The following MAGEB17 variants were observed in gnomAD, a reference collection of about 807,000 sequenced individuals.
MAGEB17 encodes MAGE family member B17.
For missense variants in MAGEB17, 251 were observed against 281.4 expected (o/e 0.89, Z 0.77); for synonymous variants, 110 against 112.4 (o/e 0.98, Z 0.13).
chrX:16,170,723 G>A lies in MAGEB17; in HGVS notation c.341G>A (p.Gly114Asp). Residue 114 changes from glycine (G) to aspartate (D), a missense_variant, in exon 2 of 2, where the codon GGC becomes GAC. By Grantham distance (94) the Gly-to-Asp change is moderately conservative. Coordinates refer to ENST00000400004, the MANE Select transcript of MAGEB17 (RefSeq NM_001277307.2). ...AGAGATCTTCTGAACACGAAGACGG[G>A]CGAATTGGTGCAGTTCCTCCTCAAC... ...TGRDLLNTKT[G>D]ELVQFLLNKY... 8.6e-7 allele frequency: 1 copy of A among 1,167,255 alleles called. No homozygotes were observed. Among genetic ancestry groups the A allele is most frequent in the South Asian group, 1.9e-5 (1 of 52,717 alleles).
intron 1 of MAGEB17, among the ~76,000 whole-genome samples, chrX:16,169,562 A>G (rs3903014): frequency 0.27 from 29,497 of 110,887 alleles, 3,542 homozygotes; most frequent in Non-Finnish European, 0.36. Flanking sequence ...AGTGTTTTCC[A>G]GGTAATGATG....
Position 16,170,907 on chromosome X carries a change from C to T in MAGEB17, c.525C>T (p.Ser175=). 1 of 1,167,419 alleles carries T rather than the reference C, an allele frequency of 8.6e-7. No individual in the cohort carries two copies. The highest frequency in any genetic ancestry group is 1.9e-5 in the South Asian group (1 of 52,766). ...YLKEMDPSRQ[S]YVLVGKLDFP... is the part of the protein sequence containing the mutation. The stretch of plus-strand genomic sequence containing the variant: ...AGGAAATGGACCCCAGCCGTCAGTC[C>T]TATGTGCTTGTTGGCAAGCTGGACT... The change falls in exon 2 of 2, where the codon TCC becomes TCT. Residue 175 remains serine, a synonymous_variant. Transcript: ENST00000400004.
chrX:16,169,147 T>C (rs1201444695), intron 1 of MAGEB17, among the ~76,000 whole-genome samples: 1 of 109,729 alleles, frequency 9.1e-6, no homozygotes, highest in Non-Finnish European at 1.9e-5. Context: ...CTGGTGGGAG[T>C]CAAGGGGAGA....
At position 16,170,926 on chromosome X, in the gene MAGEB17, C is replaced by T. The variant is rs1434287169; in HGVS notation, c.544C>T (p.Leu182=). 8.6e-7 allele frequency: 1 copy of T among 1,166,167 alleles called. No homozygotes were observed. The highest frequency in any genetic ancestry group is 3.3e-5 in the East Asian group (1 of 30,717). The change falls in exon 2 of 2, where the codon CTG becomes TTG. Residue 182 remains leucine, a synonymous_variant. Coordinates refer to ENST00000400004, the MANE Select transcript of MAGEB17 (RefSeq NM_001277307.2). Reference sequence around the variant, plus strand: ...TCAGTCCTATGTGCTTGTTGGCAAGCTGGACTTTCCCAATCAAGGAAGCTT... The same window carrying T: ...TCAGTCCTATGTGCTTGTTGGCAAGTTGGACTTTCCCAATCAAGGAAGCTT... ...SRQSYVLVGK[L]DFPNQGSLSD... is the part of the protein sequence containing the mutation.
rs181296803 is a variant in MAGEB17, at chrX:16,170,457, C to T, written c.75C>T (p.Leu25=). Residue 25 remains leucine, a synonymous_variant, in exon 2 of 2, where the codon CTC becomes CTT. Transcript: ENST00000400004. ...AGGCTCGAGGTGAAGACCAATGTCT[C>T]GGGGGTGCTCAAGCCACCGCAGCAG... ...RRQARGEDQC[L]GGAQATAAEK... The T allele has an allele frequency of 9.2e-5, 107 of 1,165,669 alleles. No individual in the cohort carries two copies. The African/African-American group carries it at 9.9e-4, about 11-fold the overall frequency.
In MAGEB17 at chrX:16,171,069, G is replaced by A. The variant is rs768531852; in HGVS notation, c.687G>A (p.Gly229=). ...EEMWECLNAL[G]MYKGRKHFIY... Reference sequence around the variant, plus strand: ...TGTGGGAATGCCTGAATGCATTGGGGATGTATAAGGGTAGGAAGCACTTCA... The same window carrying A: ...TGTGGGAATGCCTGAATGCATTGGGAATGTATAAGGGTAGGAAGCACTTCA... The change falls in exon 2 of 2, where the codon GGG becomes GGA. Residue 229 remains glycine (G), a synonymous_variant. Coordinates refer to ENST00000400004, the MANE Select transcript of MAGEB17 (RefSeq NM_001277307.2). The A allele has an allele frequency of 8.5e-7, 1 of 1,182,408 alleles. No homozygotes were observed.
rs1357258751 is a variant in MAGEB17 at position 16,170,684 on chromosome X, CTGAGAGCACAGGA to C, written c.303_315del (p.Ser103IlefsTer3). The C allele has an allele frequency of 1.0e-5, 12 of 1,167,343 alleles. No homozygotes were observed. The highest frequency in any genetic ancestry group is 1.3e-5 in the Non-Finnish European group (11 of 873,147). ...AACTCCTTCCATGGCCCGTCCTCCT[CTGAGAGCACAGGA>C]AGAGATCTTCTGAACACGAAGACGG... is the stretch of plus-strand genomic sequence containing the variant. On this transcript the variant is annotated frameshift_variant, in exon 2 of 2. Transcript: ENST00000400004. LOFTEE classifies it low-confidence loss of function (END_TRUNC).
At chrX:16,169,824 G>C (rs1039636344) in intron 1 of MAGEB17, among the ~76,000 whole-genome samples, 1 of 111,436 alleles carries the variant, frequency 9.0e-6, no homozygotes, top group Non-Finnish European at 1.9e-5. Flanking sequence ...ACCGAACCCA[G>C]AACATCAGAG....
In MAGEB17 at chrX:16,170,677, T is replaced by A; in HGVS notation, c.295T>A (p.Ser99Thr). ...GESPNSFHGP[S>T]SSESTGRDLL... ...AAGTCCCAACTCCTTCCATGGCCCG[T>A]CCTCCTCTGAGAGCACAGGAAGAGA... The change falls in exon 2 of 2, where the codon TCC (serine) becomes ACC (threonine). Residue 99 changes from serine to threonine, a missense_variant. Transcript: ENST00000400004. The A allele has an allele frequency of 8.6e-7, 1 of 1,166,158 alleles. No individual in the cohort carries two copies. The highest frequency in any genetic ancestry group is 1.1e-6 in the Non-Finnish European group (1 of 872,431).
Position 16,170,639 on chromosome X carries a change from G to A in MAGEB17, c.257G>A (p.Gly86Asp), listed in dbSNP as rs1485000445. 2 of 1,166,924 alleles carry A rather than the reference G, an allele frequency of 1.7e-6. No homozygotes were observed. The highest frequency in any genetic ancestry group is 2.3e-6 in the Non-Finnish European group (2 of 873,056). The change falls in exon 2 of 2, where the codon GGC becomes GAC. Residue 86 changes from glycine to aspartate, a missense_variant. Gly to Asp is a moderately conservative substitution (Grantham distance 94). Coordinates refer to ENST00000400004, the MANE Select transcript of MAGEB17 (RefSeq NM_001277307.2). The part of the protein sequence containing the change: ...SLTSSDEGAK[G>D]QKGESPNSFH... ...ACAAGTTCTGATGAAGGTGCCAAGG[G>A]CCAAAAGGGGGAAAGTCCCAACTCC... is the stretch of plus-strand genomic sequence containing the variant.
At chrX:16,168,332 C>T (rs1415275501) in intron 1 of MAGEB17, among the ~76,000 whole-genome samples, 6 of 102,209 alleles carry the variant, frequency 5.9e-5, no homozygotes, top group African/African-American at 1.8e-4. Flanking sequence ...AGTGAGACCC[C>T]GTGTCTGTCA....
chrX:16,171,231 A>C lies in MAGEB17; in HGVS notation c.849A>C (p.Lys283Asn), dbSNP rs1191409996. 8.3e-7 allele frequency: 1 copy of C among 1,208,276 alleles called. No individual in the cohort carries two copies. Among genetic ancestry groups the C allele is most frequent in the African/African-American group, 1.8e-5 (1 of 57,003 alleles). ...CCAGGGCCCGTGCTGAAACCAGCAA[A>C]ATGAAAGTCCTGGAGTTTGTGGCCA... ...WGPRARAETS[K>N]MKVLEFVAKL... Residue 283 changes from lysine (K) to asparagine (N), a missense_variant, in exon 2 of 2, where the codon AAA becomes AAC. Coordinates refer to ENST00000400004, the MANE Select transcript of MAGEB17 (RefSeq NM_001277307.2).
At chrX:16,168,182 A>G (rs1221055882) in intron 1 of MAGEB17, among the ~76,000 whole-genome samples, 1 of 111,041 alleles carries the variant, frequency 9.0e-6, no homozygotes, top group Non-Finnish European at 1.9e-5. Context: ...TCTCCAAGAA[A>G]GAAAAGAACA....
chrX:16,168,541 T>G (rs779593708), intron 1 of MAGEB17: 1 of 111,625 alleles, frequency 9.0e-6, no homozygotes, highest in Non-Finnish European at 1.9e-5. Context: ...TGGAGCGACC[T>G]GAGTCGCGTC....
In MAGEB17 at chrX:16,171,293, G is replaced by A. The variant is rs754685217; in HGVS notation, c.911G>A (p.Arg304Gln). Residue 304 changes from arginine to glutamine, a missense_variant, in exon 2 of 2, where the codon CGG becomes CAG. Coordinates refer to ENST00000400004, the MANE Select transcript of MAGEB17 (RefSeq NM_001277307.2). Reference sequence around the variant, plus strand: ...ACCGTTGCCAGTACCTACAAGTCCCGGTATGAGGAGGCTCTGAGAGAGGAG... The same window carrying A: ...ACCGTTGCCAGTACCTACAAGTCCCAGTATGAGGAGGCTCTGAGAGAGGAG... ...NDTVASTYKS[R>Q]YEEALREEEE... 14 of 1,199,076 alleles carry A rather than the reference G, an allele frequency of 1.2e-5. No homozygotes were observed. The highest frequency in any genetic ancestry group is 3.5e-5 in the African/African-American group (2 of 56,830).
At chrX:16,170,227 C>G in intron 1 of MAGEB17, 107 bp from the exon 2 acceptor site, 1 of 1,032,449 alleles carries the variant, frequency 9.7e-7, no homozygotes, top group Non-Finnish European at 1.2e-6. Flanking sequence ...AGAACAGGAG[C>G]CTGGTGGGGC....
chrX:16,169,126 G>C (rs1923004497), intron 1 of MAGEB17, among the ~76,000 whole-genome samples: 1 of 111,733 alleles, frequency 8.9e-6, no homozygotes, highest in South Asian at 3.8e-4. Flanking sequence ...GTGGGAAGGA[G>C]GACTTAGTCC....
Position 16,170,723 on chromosome X carries a change from G to T in MAGEB17, c.341G>T (p.Gly114Val). 1 of 1,167,255 alleles carries T rather than the reference G, an allele frequency of 8.6e-7. No homozygotes were observed. Among genetic ancestry groups the T allele is most frequent in the Non-Finnish European group, 1.1e-6 (1 of 873,122 alleles). ...AGAGATCTTCTGAACACGAAGACGG[G>T]CGAATTGGTGCAGTTCCTCCTCAAC... ...TGRDLLNTKT[G>V]ELVQFLLNKY... The change falls in exon 2 of 2, where the codon GGC becomes GTC. Residue 114 changes from glycine to valine, a missense_variant. Physicochemically the swap from Gly to Val is moderately radical, Grantham distance 109. Coordinates refer to ENST00000400004, the MANE Select transcript of MAGEB17 (RefSeq NM_001277307.2).
Position 16,170,682 on chromosome X carries a change from C to T in MAGEB17, c.300C>T (p.Ser100=). Residue 100 remains serine (S), a synonymous_variant, in exon 2 of 2, where the codon TCC becomes TCT. Coordinates refer to ENST00000400004, the MANE Select transcript of MAGEB17 (RefSeq NM_001277307.2). The part of the protein sequence containing the change: ...ESPNSFHGPS[S]SESTGRDLLN... ...CCAACTCCTTCCATGGCCCGTCCTC[C>T]TCTGAGAGCACAGGAAGAGATCTTC... 8.6e-7 allele frequency: 1 copy of T among 1,167,369 alleles called. No homozygotes were observed. Among genetic ancestry groups the T allele is most frequent in the Middle Eastern group, 2.3e-4 (1 of 4,309 alleles).
Sources: gnomAD v4.1 joint callset for allele counts (sites outside exome capture counted in the v4.1 genomes callset) on GRCh38, gnomAD v4.1.1 for gene constraint, MANE v1.5 for transcripts, NCBI Gene and HGNC (gene_info 2026-07-23, HGNC 2026-07-21) for gene names.